The following TIAM2 variants were observed in gnomAD, a reference collection of about 807,000 sequenced individuals.
TIAM2 encodes the protein rho guanine nucleotide exchange factor TIAM2.
A neutral mutation model predicts 152.9 loss-of-function variants in TIAM2; 80 were observed. The ratio of observed to expected loss-of-function variants is 0.52; its 90% CI spans 0.44 to 0.63. The LOEUF (loss-of-function observed/expected upper bound fraction) is 0.63. Ranked by LOEUF, TIAM2 falls within the 30% of genes least tolerant of loss-of-function variation. TIAM2 has a pLI of 0.00. For missense variants in TIAM2, 1,965 were observed against 2,120.1 expected (o/e 0.93, Z 1.44); for synonymous variants, 804 against 838.0 (o/e 0.96, Z 0.70).
intron 14 of TIAM2, among the ~76,000 whole-genome samples, chr6:155,188,445 G>T (rs1339670589): frequency 6.6e-6 from 1 of 152,198 alleles, no homozygotes; most frequent in Non-Finnish European, 1.5e-5. Context: ...GCCTAGAAGG[G>T]CTTAAATTTC....
chr6:155,229,942 A>G (rs1027187784), intron 15 of TIAM2, among the ~76,000 whole-genome samples: 1 of 152,056 alleles, frequency 6.6e-6, no homozygotes, highest in East Asian at 1.9e-4. Flanking sequence ...CGAGTACAGC[A>G]TGGGAGAAAC....
chr6:155,105,541 C>G (rs1287671028), intron 2 of TIAM2, among the ~76,000 whole-genome samples: 1 of 152,050 alleles, frequency 6.6e-6, no homozygotes, highest in Non-Finnish European at 1.5e-5. Context: ...AGTGATCTGC[C>G]CACATCAGCC....
In TIAM2 at chr6:155,244,020, T is replaced by C; in HGVS notation, c.3358T>C (p.Cys1120Arg). Reference sequence around the variant, plus strand: ...TTCTATTTTCTTTCAGGATTTGAGCTGCCTCTTTGAATTATACTTGGAGCC... The same window carrying C: ...TTCTATTTTCTTTCAGGATTTGAGCCGCCTCTTTGAATTATACTTGGAGCC... ...TEKSYVKDLSCLFELYLEPLQ... is the reference protein window; with the variant it reads ...TEKSYVKDLSRLFELYLEPLQ... Residue 1120 changes from cysteine to arginine, a missense_variant, in exon 17 of 27, where the codon TGC (cysteine) becomes CGC (arginine). Coordinates refer to ENST00000682666, the MANE Select transcript of TIAM2 (RefSeq NM_012454.4). 1 of 1,614,146 alleles carries C rather than the reference T, an allele frequency of 6.2e-7. No homozygotes were observed. Among genetic ancestry groups the C allele is most frequent in the Non-Finnish European group, 8.5e-7 (1 of 1,180,012 alleles).
intron 1 of TIAM2, among the ~76,000 whole-genome samples, chr6:155,060,623 C>T (rs1183466777): frequency 1.3e-5 from 2 of 151,612 alleles, no homozygotes; most frequent in East Asian, 2.0e-4. Flanking sequence ...GAGCTAGGTG[C>T]AGTGGCTCAT....
chr6:155,095,467 G>A (rs1250921490), intron 2 of TIAM2, among the ~76,000 whole-genome samples: 1 of 152,146 alleles, frequency 6.6e-6, no homozygotes, highest in African/African-American at 2.4e-5. Flanking sequence ...GATAATGATG[G>A]AAAGACTGAT....
At chr6:155,100,993 G>A (rs1203367956) in intron 2 of TIAM2, among the ~76,000 whole-genome samples, 2 of 152,150 alleles carry the variant, frequency 1.3e-5, no homozygotes, top group African/African-American at 2.4e-5. Context: ...CCAATGAATT[G>A]CACGTCAGTT....
In TIAM2 at chr6:155,116,139, T is replaced by G. The variant is rs576019953; in HGVS notation, c.-117-11351T>G. ...AATGGATTAGGCCCTTCCCCCTCCA[T>G]CCGTGTTTCATCTACTTTGGATATG... On this transcript the variant is annotated intron_variant, in intron 2 of 26. Transcript: ENST00000682666. 1.8e-4 allele frequency among the ~76,000 whole-genome samples: 28 copies of G among 152,304 alleles called. No individual in the cohort carries two copies. The South Asian group carries it at 4.8e-3, about 26-fold the overall frequency.
chr6:155,087,059 A>G (rs4869844), intron 1 of TIAM2, among the ~76,000 whole-genome samples: 152,271 of 152,286 alleles, frequency 1, 76,128 homozygotes, highest in Middle Eastern at 1. Flanking sequence ...AGGAGGGAGC[A>G]ATAACCCTGT....
At chr6:155,052,404 G>C (rs1335794519) in intron 1 of TIAM2, among the ~76,000 whole-genome samples, 1 of 151,996 alleles carries the variant, frequency 6.6e-6, no homozygotes, top group African/African-American at 2.4e-5. Context: ...GTTATAGGCA[G>C]AACTCTTTGA....
rs796214736 is a variant in TIAM2, at chr6:155,072,321, G to C, written c.-208-17968G>C. On this transcript the variant is annotated intron_variant, in intron 1 of 26. Transcript: ENST00000682666. ...GGAAATCCTCCAGTAGGAAACAACC[G>C]AGGCATCGGGCTAGGATCAGCCTAT... Among the ~76,000 whole-genome samples the C allele has an allele frequency of 3.9e-5, 6 of 152,300 alleles. No individual in the cohort carries two copies. In the South Asian group the frequency reaches 1.2e-3, roughly 32 times the overall value.
rs1057203811 is a variant in TIAM2 at position 155,214,642 on chromosome 6, A to G, written c.3168+3335A>G. On this transcript the variant is annotated intron_variant, in intron 15 of 26. Transcript: ENST00000682666. This position sits in a 1 kb window ranked among gnomAD's most constrained non-coding sequence, Gnocchi z 5.4. ...AAGTTATTTTACAAAACTGAAATTC[A>G]TCAGCATTTTTAGTCCTTCTACTTT... 3.3e-5 allele frequency among the ~76,000 whole-genome samples: 5 copies of G among 152,238 alleles called. No individual in the cohort carries two copies. Among genetic ancestry groups the G allele is most frequent in the Admixed American group, 1.3e-4 (2 of 15,288 alleles).
In TIAM2 at chr6:155,179,441, A is replaced by T. The variant is rs780123634; in HGVS notation, c.2692A>T (p.Ser898Cys). The T allele has an allele frequency of 3.4e-5, 55 of 1,612,838 alleles. 1 individual carries two copies. The South Asian group carries it at 5.8e-4, about 17-fold the overall frequency. Residue 898 changes from serine to cysteine, a missense_variant, in exon 12 of 27, where the codon AGT becomes TGT. Transcript: ENST00000682666. ...VYDVQLTKTG[S>C]VCDFGFAVTA... ...TGACGTGCAGCTCACGAAGACTGGG[A>T]GTGTGTGTGACTTTGGTGAGTGTAA... is the stretch of plus-strand genomic sequence containing the variant.
chr6:155,020,244 C>A (rs1776448502), intron 1 of TIAM2, among the ~76,000 whole-genome samples: 1 of 152,140 alleles, frequency 6.6e-6, no homozygotes, highest in South Asian at 2.1e-4. Context: ...CTAAAGAAAC[C>A]TGTGGAAATT....
chr6:155,178,165 T>TAAAAAA (rs557378875), intron 10 of TIAM2, among the ~76,000 whole-genome samples: 10 of 83,230 alleles, frequency 1.2e-4, no homozygotes, highest in Admixed American at 5.8e-4. Context: ...CGTCTCAAAT[T>TAAAAAA]AAAAAAAAAA....
At chr6:155,020,745 G>C (rs1441400598) in intron 1 of TIAM2, among the ~76,000 whole-genome samples, 2 of 152,204 alleles carry the variant, frequency 1.3e-5, no homozygotes, top group Admixed American at 1.3e-4. Context: ...TTACAGGCAT[G>C]AGCCACTGTG....
At chr6:155,185,497 TA>T (rs1781022722) in intron 14 of TIAM2, among the ~76,000 whole-genome samples, 1 of 8,236 alleles carries the variant, frequency 1.2e-4, no homozygotes, top group South Asian at 3.6e-3. Flanking sequence ...CACTTTTATT[TA>T]TTTATTTATT....
intron 1 of TIAM2, among the ~76,000 whole-genome samples, chr6:155,054,288 C>T (rs1777389883): frequency 6.6e-6 from 1 of 152,172 alleles, no homozygotes; most frequent in Non-Finnish European, 1.5e-5. Flanking sequence ...TCCTCTAATC[C>T]TTCTCACCTT....
intron 15 of TIAM2, among the ~76,000 whole-genome samples, chr6:155,215,225 T>C (rs1781824354): frequency 6.6e-6 from 1 of 152,220 alleles, no homozygotes; most frequent in Non-Finnish European, 1.5e-5. Flanking sequence ...GCCAACTCTG[T>C]TATTTAACAA....
chr6:155,140,580 G>GAA (rs1284442143), intron 5 of TIAM2, among the ~76,000 whole-genome samples: 11 of 118,718 alleles, frequency 9.3e-5, no homozygotes, highest in Admixed American at 4.6e-4. Flanking sequence ...GTGTGAGAGA[G>GAA]AGAGAGAGAG....
Sources: gnomAD v4.1 joint callset for allele counts (sites outside exome capture counted in the v4.1 genomes callset) on GRCh38, gnomAD v4.1.1 for gene constraint, Gnocchi (gnomAD v3.1) non-coding constraint, MANE v1.5 for transcripts, NCBI Gene and HGNC (gene_info 2026-07-23, HGNC 2026-07-21) for gene names.